Variants in PCDHGA8 observed in about 807,000 individuals in gnomAD.
PCDHGA8 encodes protocadherin gamma-A8.
Under a neutral mutation model 59.2 loss-of-function variants are expected in PCDHGA8, and 45 were observed. That is an observed-to-expected ratio of 0.76 (90% CI 0.60 to 0.98). The LOEUF (loss-of-function observed/expected upper bound fraction) is 0.98. Ranked by LOEUF, PCDHGA8 falls within the 50% of genes least tolerant of loss-of-function variation. The pLI is 0.00. For synonymous variants in PCDHGA8, 531 were observed against 519.0 expected (o/e 1.02, Z -0.32); for missense variants, 1,257 against 1,196.2 (o/e 1.05, Z -0.75).
intron 1 of PCDHGA8, chr5:141,414,010 G>A (rs1308472085): frequency 1.2e-6 from 2 of 1,612,990 alleles, no homozygotes; most frequent in Non-Finnish European, 1.7e-6. Flanking sequence ...AGGTGCCAAT[G>A]GAGAAGTGAC....
chr5:141,422,450 G>C (rs748354292), intron 1 of PCDHGA8: 71 of 1,611,564 alleles, frequency 4.4e-5, no homozygotes, highest in Non-Finnish European at 5.9e-5. Flanking sequence ...TTGATAACAA[G>C]CAGAGTGCTG....
At chr5:141,503,936 C>G (rs2099834285) in intron 2 of PCDHGA8, among the ~76,000 whole-genome samples, 1 of 152,186 alleles carries the variant, frequency 6.6e-6, no homozygotes, top group Non-Finnish European at 1.5e-5. Flanking sequence ...CATTTTCATG[C>G]CTTCAAGGCC....
intron 1 of PCDHGA8, among the ~76,000 whole-genome samples, chr5:141,481,950 T>C (rs1378337886): frequency 2.7e-5 from 4 of 146,216 alleles, no homozygotes; most frequent in Admixed American, 1.4e-4. Flanking sequence ...CCAGATGTGG[T>C]GGCAGGTGCC....
Position 141,491,586 on chromosome 5 carries a change from G to T in PCDHGA8, c.2425-3221G>T, listed in dbSNP as rs373990387. ...ACAGGACGTGCTTTTCACCGGCCTC[G>T]GACGGCAGTGACTTCACTTTTCTAA... On this transcript the variant is annotated intron_variant, in intron 1 of 3. Transcript: ENST00000398604. This position sits in a 1 kb window ranked among gnomAD's most constrained non-coding sequence, Gnocchi z 6.9. 2.1e-5 allele frequency: 34 copies of T among 1,613,792 alleles called. No individual in the cohort carries two copies. In the African/African-American group the frequency reaches 2.4e-4, roughly 11 times the overall value.
Position 141,421,937 on chromosome 5 carries a change from A to G in PCDHGA8, c.2424+26700A>G, listed in dbSNP as rs375878901. The G allele has an allele frequency of 1.5e-5, 25 of 1,613,402 alleles. No homozygotes were observed. In the African/African-American group the frequency reaches 1.6e-4, roughly 10 times the overall value. ...ATTCGTGTGGTGGTCCTCGATGTAA[A>G]TGATCACATCCCAATGTTTACACAG... On this transcript the variant is annotated intron_variant, in intron 1 of 3. Coordinates refer to ENST00000398604, the MANE Select transcript of PCDHGA8 (RefSeq NM_032088.2).
rs566838507 is a variant in PCDHGA8, at chr5:141,415,047, G to A, written c.2424+19810G>A. 5 of 1,613,392 alleles carry A rather than the reference G, an allele frequency of 3.1e-6. No homozygotes were observed. The African/African-American group carries it at 5.3e-5, about 17-fold the overall frequency. Reference sequence around the variant, plus strand: ...GCGAGCCGGGACTCTTCGCGGTGGGGGAGCACACGGGCGAGGTGCGCACGG... The same window carrying A: ...GCGAGCCGGGACTCTTCGCGGTGGGAGAGCACACGGGCGAGGTGCGCACGG... On this transcript the variant is annotated intron_variant, in intron 1 of 3. Coordinates refer to ENST00000398604, the MANE Select transcript of PCDHGA8 (RefSeq NM_032088.2).
chr5:141,417,034 T>C (rs1408752235), intron 1 of PCDHGA8: 1 of 151,548 alleles, frequency 6.6e-6, no homozygotes, highest in Non-Finnish European at 1.5e-5. Context: ...ACAGGTTTTT[T>C]TTTTAAAAAA....
chr5:141,399,776 A>T, intron 1 of PCDHGA8: 1 of 1,613,218 alleles, frequency 6.2e-7, no homozygotes, highest in African/African-American at 1.3e-5. Context: ...TTGGTGGGCG[A>T]CCGAAACGAC....
At chr5:141,497,820 G>A (rs1595489288) in intron 2 of PCDHGA8, among the ~76,000 whole-genome samples, 1 of 152,226 alleles carries the variant, frequency 6.6e-6, no homozygotes, top group Admixed American at 6.5e-5. Flanking sequence ...AATTACAGGT[G>A]TGATCGCCCC....
chr5:141,505,182 C>T (rs1302018549), intron 2 of PCDHGA8, among the ~76,000 whole-genome samples: 2 of 152,094 alleles, frequency 1.3e-5, no homozygotes, highest in East Asian at 3.9e-4. Context: ...AAAAAAGCAT[C>T]GGAGGCAGCA....
At chr5:141,409,756 C>T in intron 1 of PCDHGA8, 1 of 1,612,994 alleles carries the variant, frequency 6.2e-7, no homozygotes, top group Non-Finnish European at 8.5e-7. Flanking sequence ...TCGCGCAGCG[C>T]GCCTTTGATC....
chr5:141,504,510 C>T (rs2099838864), intron 2 of PCDHGA8, among the ~76,000 whole-genome samples: 1 of 151,952 alleles, frequency 6.6e-6, no homozygotes, highest in Non-Finnish European at 1.5e-5. Context: ...GAGTGGATCT[C>T]CTCTGATATA....
intron 1 of PCDHGA8, among the ~76,000 whole-genome samples, chr5:141,458,883 C>A (rs1171747288): frequency 6.6e-6 from 1 of 152,136 alleles, no homozygotes; most frequent in East Asian, 1.9e-4. Flanking sequence ...CAGGCATGCA[C>A]ACCATGCGCA....
At chr5:141,458,438 CCCA>C (rs1221646653) in intron 1 of PCDHGA8, among the ~76,000 whole-genome samples, 3 of 152,024 alleles carry the variant, frequency 2.0e-5, no homozygotes, top group African/African-American at 7.2e-5. Context: ...GAGGAGGTCC[CCCA>C]CATTAACAAT....
chr5:141,474,210 A>G (rs1054533367), intron 1 of PCDHGA8, among the ~76,000 whole-genome samples: 3 of 152,230 alleles, frequency 2.0e-5, no homozygotes, highest in Non-Finnish European at 4.4e-5. Context: ...ATTTTCAAAA[A>G]CCAGATTGTG....
chr5:141,439,354 C>G (rs746525653), intron 1 of PCDHGA8, among the ~76,000 whole-genome samples: 7 of 152,186 alleles, frequency 4.6e-5, no homozygotes, highest in Admixed American at 4.6e-4. Context: ...TACAAATACT[C>G]AAACATCAAG....
intron 2 of PCDHGA8, among the ~76,000 whole-genome samples, chr5:141,499,370 AT>A (rs932083472): frequency 2.0e-5 from 3 of 152,170 alleles, no homozygotes. Context: ...TAGCAACTTA[AT>A]TTTTTTCCAC....
At chr5:141,419,477 C>G (rs760970548) in intron 1 of PCDHGA8, 1 of 1,612,420 alleles carries the variant, frequency 6.2e-7, no homozygotes, top group Non-Finnish European at 8.5e-7. Flanking sequence ...CCAGGGCTCG[C>G]CCGCGCTCAG....
Position 141,408,151 on chromosome 5 carries a change from T to G in PCDHGA8, c.2424+12914T>G, listed in dbSNP as rs2154539780. ...CGAATGCTCTTTTAGCGCGGTAGAG[T>G]GCACTTTCTCCAACTGGAAAAGCGG... On this transcript the variant is annotated intron_variant, in intron 1 of 3. Transcript: ENST00000398604. 3.3e-6 allele frequency: 5 copies of G among 1,506,938 alleles called. No individual in the cohort carries two copies. In the East Asian group the frequency reaches 1.2e-4, roughly 37 times the overall value. 93.3% of individuals were successfully genotyped at this position (1,506,938 alleles called of 1,614,324 possible). A position where few individuals can be genotyped will look rare whatever the true frequency, so the allele number is the denominator to read the frequency against.
Sources: gnomAD v4.1 joint callset for allele counts (sites outside exome capture counted in the v4.1 genomes callset) on GRCh38, gnomAD v4.1.1 for gene constraint, Gnocchi (gnomAD v3.1) non-coding constraint, MANE v1.5 for transcripts, NCBI Gene and HGNC (gene_info 2026-07-23, HGNC 2026-07-21) for gene names.